NME7: variants seen among roughly 807,000 people sequenced by gnomAD.
NME7 encodes NME/NM23 family member 7, also known as nucleoside diphosphate kinase 7.
A neutral mutation model predicts 49.1 loss-of-function variants in NME7; 41 were observed. The observed-to-expected ratio is 0.83, with a 90% confidence interval of 0.65 to 1.08. NME7 has a LOEUF of 1.08. NME7 is among the 50% of genes least tolerant of loss of function. The probability of loss-of-function intolerance (pLI) is 0.00; values close to 1 mark genes in which losing one functional copy is unlikely to be tolerated. For missense variants in NME7, 423 were observed against 463.4 expected (o/e 0.91, Z 0.80); for synonymous variants, 139 against 150.6 (o/e 0.92, Z 0.56).
chr1:169,251,725 A>C (rs1474853534), intron 7 of NME7, among the ~76,000 whole-genome samples: 19 of 97,344 alleles, frequency 2.0e-4, no homozygotes, highest in African/African-American at 7.3e-4. Flanking sequence ...CCCACCCCAC[A>C]ACAGTCCCCA....
intron 2 of NME7, 142 bp from the exon 3 acceptor site, chr1:169,323,425 T>C: frequency 1.6e-6 from 1 of 616,730 alleles, no homozygotes; most frequent in Non-Finnish European, 2.4e-6. Context: ...GTTACAAATA[T>C]AAATCATAAT....
At chr1:169,343,902 T>C (rs1210610282) in intron 1 of NME7, among the ~76,000 whole-genome samples, 1 of 152,158 alleles carries the variant, frequency 6.6e-6, no homozygotes, top group African/African-American at 2.4e-5. Context: ...TCTGGGCCCT[T>C]CACATTTCCA....
intron 4 of NME7, 46 bp downstream of exon 4, chr1:169,309,924 A>G: frequency 3.7e-6 from 4 of 1,078,012 alleles, no homozygotes; most frequent in Non-Finnish European, 4.1e-6. Context: ...ATGATTTTTT[A>G]AAAAGGAATC....
intron 10 of NME7, among the ~76,000 whole-genome samples, chr1:169,182,536 A>G (rs983366072): frequency 4.6e-5 from 7 of 152,176 alleles, no homozygotes; most frequent in Non-Finnish European, 8.8e-5. Flanking sequence ...TCTTTAGCAT[A>G]GCATTCTTTC....
intron 10 of NME7, among the ~76,000 whole-genome samples, chr1:169,212,882 T>C (rs760783192): frequency 1.3e-5 from 2 of 152,046 alleles, no homozygotes; most frequent in African/African-American, 4.8e-5. Context: ...TCCCACCTCA[T>C]CCTCCCAAGT....
At chr1:169,218,652 A>G (rs895514927) in intron 10 of NME7, among the ~76,000 whole-genome samples, 2 of 143,252 alleles carry the variant, frequency 1.4e-5, no homozygotes, top group African/African-American at 5.2e-5. Context: ...AATTTTTCCA[A>G]TTTTGAATTT....
chr1:169,275,121 T>C (rs1649652541), intron 7 of NME7, among the ~76,000 whole-genome samples: 1 of 132,546 alleles, frequency 7.5e-6, no homozygotes, highest in Admixed American at 7.5e-5. Flanking sequence ...CTTCCACTTG[T>C]TTGTATCCTC....
intron 3 of NME7, among the ~76,000 whole-genome samples, chr1:169,315,299 G>T (rs1220839612): frequency 7.0e-6 from 1 of 142,962 alleles, no homozygotes; most frequent in Non-Finnish European, 1.5e-5. Flanking sequence ...GAGTCTCGCT[G>T]TGTCACCCAG....
intron 6 of NME7, among the ~76,000 whole-genome samples, chr1:169,288,124 C>T (rs1650349794): frequency 6.6e-6 from 1 of 152,162 alleles, no homozygotes; most frequent in African/African-American, 2.4e-5. Flanking sequence ...GTGTAAAGAG[C>T]CACCTCAAAT....
intron 11 of NME7, among the ~76,000 whole-genome samples, chr1:169,160,521 A>G (rs1192839113): frequency 6.6e-6 from 1 of 152,126 alleles, no homozygotes; most frequent in Non-Finnish European, 1.5e-5. Context: ...AGTATATATT[A>G]TATAATACTC....
chr1:169,320,825 T>C (rs1204975123), intron 3 of NME7, among the ~76,000 whole-genome samples: 3 of 152,186 alleles, frequency 2.0e-5, no homozygotes, highest in African/African-American at 7.2e-5. Flanking sequence ...TACATTAAAA[T>C]AGAATTCTTC....
chr1:169,323,120 T>C lies in NME7; in HGVS notation c.275A>G (p.Glu92Gly), dbSNP rs761719307. 1 of 1,552,132 alleles carries C rather than the reference T, an allele frequency of 6.4e-7. No individual in the cohort carries two copies. The highest frequency in any genetic ancestry group is 1.4e-5 in the African/African-American group (1 of 71,796). The change falls in exon 3 of 12, where the codon GAA (glutamate) becomes GGA (glycine). Residue 92 changes from glutamate to glycine, a missense_variant. Glu to Gly is a moderately conservative substitution (Grantham distance 98, BLOSUM62 -2). Coordinates refer to ENST00000367811, the MANE Select transcript of NME7 (RefSeq NM_013330.5). The part of the protein sequence containing the change: ...YTARQLGSRK[E>G]KTLALIKPDA... ...GATTATATAATTGTTTTCTTACTTT[T>C]CTTTCCTACTGCCCAGCTGGCGAGC...
At chr1:169,303,452 CTTCT>C in intron 4 of NME7, 2 of 141,446 alleles carry the variant, frequency 1.4e-5, no homozygotes, top group South Asian at 4.5e-4. Flanking sequence ...TGTCTATCTT[CTTCT>C]TTTTTTTTTT....
chr1:169,320,939 G>T (rs556487949), intron 3 of NME7, among the ~76,000 whole-genome samples: 2 of 152,188 alleles, frequency 1.3e-5, no homozygotes, highest in Admixed American at 1.3e-4. Flanking sequence ...ACAAAACACG[G>T]TTTTCTGGTT....
rs141349525 is a variant in NME7 at position 169,248,989 on chromosome 1, A to G, written c.755-11302T>C. 1.1e-4 allele frequency among the ~76,000 whole-genome samples: 17 copies of G among 152,156 alleles called. No individual in the cohort carries two copies. In the East Asian group the frequency reaches 3.3e-3, roughly 29 times the overall value. On this transcript the variant is annotated intron_variant, in intron 7 of 11. Coordinates refer to ENST00000367811, the MANE Select transcript of NME7 (RefSeq NM_013330.5). ...AGGTTCTTTTTCTGGTTTCATATGA[A>G]TTTTAGAATTGTTTTTTCTAATTCT...
chr1:169,163,473 G>T (rs1659306634), intron 11 of NME7, among the ~76,000 whole-genome samples: 1 of 152,046 alleles, frequency 6.6e-6, no homozygotes, highest in South Asian at 2.1e-4. Context: ...GAAAGTCAAG[G>T]AAAAATTCAG....
At chr1:169,164,260 G>A (rs536407279) in intron 11 of NME7, among the ~76,000 whole-genome samples, 1 of 152,084 alleles carries the variant, frequency 6.6e-6, no homozygotes, top group East Asian at 1.9e-4. Context: ...TTCACCGAGT[G>A]CAAAAAATAC....
chr1:169,275,712 C>T (rs1649689897), intron 7 of NME7, among the ~76,000 whole-genome samples: 1 of 131,736 alleles, frequency 7.6e-6, no homozygotes, highest in Non-Finnish European at 1.8e-5. Context: ...GCCAGAACTT[C>T]CAACACTATG....
At chr1:169,312,721 A>G (rs1253015318) in intron 3 of NME7, among the ~76,000 whole-genome samples, 1 of 152,228 alleles carries the variant, frequency 6.6e-6, no homozygotes, top group East Asian at 1.9e-4. Flanking sequence ...GACTGATTGC[A>G]GTACAATAAA....
Sources: allele counts gnomAD v4.1 joint callset (sites outside exome capture counted in the v4.1 genomes callset), GRCh38; gene constraint gnomAD v4.1.1; transcripts MANE v1.5; gene names NCBI Gene and HGNC (gene_info 2026-07-23, HGNC 2026-07-21).